TECPR1: variants seen among roughly 807,000 people sequenced by gnomAD.
The protein encoded by TECPR1 is tectonin beta-propeller repeat containing 1, also known as tectonin beta-propeller repeat-containing protein 1.
Under a neutral mutation model 162.4 loss-of-function variants are expected in TECPR1, and 122 were observed. The observed-to-expected ratio is 0.75, with a 90% confidence interval of 0.65 to 0.87. The LOEUF is 0.87. Among genes scored for constraint, TECPR1 ranks in the 40% least tolerant of loss-of-function variants. The pLI is 0.00. For synonymous variants in TECPR1, 642 were observed against 670.6 expected, an observed-to-expected ratio of 0.96 and a Z score of 0.66; for missense variants, 1,432 against 1,618.2, an observed-to-expected ratio of 0.88 and a Z score of 1.97.
chr7:98,231,917 A>T lies in TECPR1; in HGVS notation c.1861T>A (p.Trp621Arg), dbSNP rs1252988623. ...KTGALQWWCDWKPHKWVDVRL... is the reference protein window; with the variant it reads ...KTGALQWWCDRKPHKWVDVRL... ...ACGTCCACCCACTTGTGGGGCTTCC[A>T]GTCGCACCACCACTGCAGCGCCCCG... Residue 621 changes from tryptophan (W) to arginine (R), a missense_variant, in exon 13 of 26, where the codon TGG becomes AGG. Trp to Arg is a moderately radical substitution (Grantham distance 101). Coordinates refer to ENST00000447648, the MANE Select transcript of TECPR1 (RefSeq NM_015395.3). 27 of 1,609,830 alleles carry T rather than the reference A, an allele frequency of 1.7e-5. No homozygotes were observed. The highest frequency in any genetic ancestry group is 2.3e-5 in the Non-Finnish European group (27 of 1,179,774).
intron 5 of TECPR1, among the ~76,000 whole-genome samples, chr7:98,243,944 T>C (rs1798834646): frequency 6.6e-6 from 1 of 152,180 alleles, no homozygotes; most frequent in South Asian, 2.1e-4. Context: ...ATGCCTGTAG[T>C]CCCAGCTACT....
intron 2 of TECPR1, among the ~76,000 whole-genome samples, chr7:98,247,734 A>G (rs199748891): frequency 6.7e-6 from 1 of 149,258 alleles, no homozygotes; most frequent in African/African-American, 2.5e-5. Flanking sequence ...TTTCTTTTTT[A>G]TTTTTTAAGA....
chr7:98,238,324 C>CG (rs958578392), intron 9 of TECPR1, among the ~76,000 whole-genome samples, 185 bp downstream of exon 9: 7 of 151,990 alleles, frequency 4.6e-5, no homozygotes, highest in East Asian at 1.9e-4. Flanking sequence ...GCTGTGCCAC[C>CG]GGGGGGGTGG....
chr7:98,239,797 C>T (rs1798699923), intron 8 of TECPR1, among the ~76,000 whole-genome samples: 1 of 151,856 alleles, frequency 6.6e-6, no homozygotes, highest in Non-Finnish European at 1.5e-5. Flanking sequence ...AGGGAAACCC[C>T]CTTGACAAGC....
chr7:98,237,810 C>G (rs896844175), intron 9 of TECPR1, among the ~76,000 whole-genome samples: 15 of 152,056 alleles, frequency 9.9e-5, no homozygotes, highest in African/African-American at 3.4e-4. Context: ...ACTCTGTCAC[C>G]CAGGCTGGAG....
At position 98,236,777 on chromosome 7, in the gene TECPR1, T is replaced by C. The variant is rs1562940746; in HGVS notation, c.1180A>G (p.Ser394Gly). The stretch of plus-strand genomic sequence containing the variant: ...GCGCACCCTGCCACCCCCAGTCACC[T>C]GAGGAGACTAGACGAGCTGCCAGAG... ...SHSGSSSSLL[S>G]AGCFFGDEVR... Residue 394 changes from serine to glycine, a missense_variant and splice_region_variant, in exon 10 of 26, where the codon AGT becomes GGT. Ser to Gly is a moderately conservative substitution (Grantham distance 56). Coordinates refer to ENST00000447648, the MANE Select transcript of TECPR1 (RefSeq NM_015395.3). 2.5e-6 allele frequency: 4 copies of C among 1,594,872 alleles called. No homozygotes were observed. Among genetic ancestry groups the C allele is most frequent in the South Asian group, 2.3e-5 (2 of 87,842 alleles).
chr7:98,224,756 A>G (rs775529095), intron 19 of TECPR1, 45 bp downstream of exon 19: 36 of 1,529,712 alleles, frequency 2.4e-5, no homozygotes, highest in South Asian at 6.0e-5. Context: ...CAGGGCCCTG[A>G]CATTCAGGAC....
intron 10 of TECPR1, among the ~76,000 whole-genome samples, chr7:98,234,449 C>T (rs1421428205): frequency 1.3e-5 from 2 of 152,142 alleles, no homozygotes; most frequent in Admixed American, 1.3e-4. Context: ...CCACCGCGCC[C>T]GATCATAAAC....
In TECPR1 at chr7:98,216,594, T is replaced by C. The variant is rs1423113639; in HGVS notation, c.*796A>G. The C allele has an allele frequency of 6.9e-6, 1 of 145,258 alleles. No homozygotes were observed. Among genetic ancestry groups the C allele is most frequent in the South Asian group, 2.2e-4 (1 of 4,528 alleles). 9.0% of individuals were successfully genotyped at this position (145,258 alleles called of 1,614,324 possible). On this transcript the variant is annotated 3_prime_UTR_variant, in exon 26 of 26. Transcript: ENST00000447648. ...TTTTTTTTTTGAGATGGAGTCTCTG[T>C]CGCCCAGGCTGGAGTGCAGTGGCAT...
chr7:98,235,849 A>AAAAAAAAAAAAAAAAAAAAAGAAC, intron 10 of TECPR1, among the ~76,000 whole-genome samples: 1 of 110,258 alleles, frequency 9.1e-6, no homozygotes, highest in Non-Finnish European at 2.1e-5. Context: ...AAAAAAAAAA[A>AAAAAAAAAAAAAAAAAAAAAGAAC]AACACCATCT....
At chr7:98,222,908 G>C (rs2116539079) in intron 21 of TECPR1, 82 bp downstream of exon 21, 1 of 1,547,204 alleles carries the variant, frequency 6.5e-7, no homozygotes. Context: ...CTAGGGGCTT[G>C]TCCTGAGCAG....
chr7:98,234,705 C>CTTTTTTTTT (rs34332931), intron 10 of TECPR1, among the ~76,000 whole-genome samples: 1 of 73,508 alleles, frequency 1.4e-5, no homozygotes, highest in Non-Finnish European at 2.5e-5. Flanking sequence ...TTGTTATTGT[C>CTTTTTTTTT]TTTTTTTTTT....
chr7:98,220,381 CTTTA>C (rs1230310011), intron 23 of TECPR1, among the ~76,000 whole-genome samples: 4 of 152,004 alleles, frequency 2.6e-5, no homozygotes, highest in South Asian at 4.1e-4. Context: ...GTACATTTTA[CTTTA>C]TTTATTTTTA....
chr7:98,235,849 A>AAAAAAAAAAAAAAAAACAAC lies in TECPR1; in HGVS notation c.1181+926_1181+927insGTTGTTTTTTTTTTTTTTTT. 7.3e-5 allele frequency among the ~76,000 whole-genome samples: 8 copies of AAAAAAAAAAAAAAAAACAAC among 110,326 alleles called. 1 individual carries two copies. The highest frequency in any genetic ancestry group is 1.2e-4 in the Non-Finnish European group (6 of 48,562). The allele number at this position is 110,326 out of a possible 152,430, so 72.4% of individuals were successfully genotyped here. ...TCTCAAAAAAAAAAAAAAAAAAAAAAAACACCATCTGAGCAGACTAAACCC... is the reference window on the plus strand; with the variant it reads ...TCTCAAAAAAAAAAAAAAAAAAAAAAAAAAAAAAAAAAAAAACAACAACACCATCTGAGCAGACTAAACCC... On this transcript the variant is annotated intron_variant, in intron 10 of 25. Coordinates refer to ENST00000447648, the MANE Select transcript of TECPR1 (RefSeq NM_015395.3).
At chr7:98,227,921 G>T in intron 17 of TECPR1, 93 bp downstream of exon 17, 1 of 978,648 alleles carries the variant, frequency 1.0e-6, no homozygotes, top group South Asian at 1.4e-5. Flanking sequence ...GGCTCTACTG[G>T]ACTCCACGCT....
At chr7:98,217,623 C>A (rs1798045940) in intron 25 of TECPR1, 69 bp downstream of exon 25, 7 of 1,520,036 alleles carry the variant, frequency 4.6e-6, no homozygotes, top group Non-Finnish European at 6.2e-6. Context: ...CCACAGTGGT[C>A]GTCCCGTCTT....
rs781061368 is a variant in TECPR1, at chr7:98,236,904, A to G, written c.1053T>C (p.Cys351=). The part of the protein sequence containing the change: ...GMNDQVWGIG[C]EDRAVYFRQG... Reference sequence around the variant, plus strand: ...GCCGGAAGTACACGGCTCGGTCCTCACAGCCAATGCCCCACACCTGGAAGA... The same window carrying G: ...GCCGGAAGTACACGGCTCGGTCCTCGCAGCCAATGCCCCACACCTGGAAGA... The change falls in exon 10 of 26, where the codon TGT becomes TGC. Residue 351 remains cysteine (C), a synonymous_variant. Coordinates refer to ENST00000447648, the MANE Select transcript of TECPR1 (RefSeq NM_015395.3). 28 of 1,565,566 alleles carry G rather than the reference A, an allele frequency of 1.8e-5. No homozygotes were observed. Among genetic ancestry groups the G allele is most frequent in the South Asian group, 8.3e-5 (7 of 84,424 alleles).
Position 98,233,666 on chromosome 7 carries a change from G to A in TECPR1, c.1427C>T (p.Pro476Leu). The change falls in exon 11 of 26, where the codon CCC becomes CTC. Residue 476 changes from proline (P) to leucine (L), a missense_variant. By Grantham distance (98) the Pro-to-Leu change is moderately conservative (BLOSUM62 -3). Transcript: ENST00000447648. ...GSREARPNTH[P>L]GPAPTPAELP... is the part of the protein sequence containing the mutation. ...CTCGGCCGGGGTGGGGGCCGGGCCG[G>A]GGTGCGTGTTGGGTCTGGCCTCCCT... 1 of 1,600,372 alleles carries A rather than the reference G, an allele frequency of 6.2e-7. No individual in the cohort carries two copies. The highest frequency in any genetic ancestry group is 1.1e-5 in the South Asian group (1 of 90,140).
rs1798461165 is a variant in TECPR1 at position 98,232,117 on chromosome 7, A to G, written c.1819-158T>C. On this transcript the variant is annotated intron_variant, in intron 12 of 25. Transcript: ENST00000447648. The surrounding 1 kb of genome is among the most constrained non-coding windows in gnomAD (Gnocchi z 4.6). ...CAGCTCCCCCTATGCTAATGATAACAGTGACGCTGCCGGACACCCAATAGG... is the reference window on the plus strand; with the variant it reads ...CAGCTCCCCCTATGCTAATGATAACGGTGACGCTGCCGGACACCCAATAGG... Among the ~76,000 whole-genome samples the G allele has an allele frequency of 6.6e-6, 1 of 152,092 alleles. No individual in the cohort carries two copies. The highest frequency in any genetic ancestry group is 1.5e-5 in the Non-Finnish European group (1 of 68,006).
Sources: gnomAD v4.1 joint callset for allele counts (sites outside exome capture counted in the v4.1 genomes callset) on GRCh38, gnomAD v4.1.1 for gene constraint, Gnocchi (gnomAD v3.1) non-coding constraint, MANE v1.5 for transcripts, NCBI Gene and HGNC (gene_info 2026-07-23, HGNC 2026-07-21) for gene names.